Variants in SGO1 observed in about 807,000 individuals in gnomAD.
SGO1 encodes shugoshin 1, also known as serologically defined breast cancer antigen NY-BR-85.
SGO1 carries 39 observed loss-of-function variants against 50.5 expected under a neutral mutation model. The ratio of observed to expected loss-of-function variants is 0.77; its 90% CI spans 0.60 to 1.01. The LOEUF (loss-of-function observed/expected upper bound fraction) is 1.01, where lower values mean the gene tolerates loss of function less well. SGO1 is among the 50% of genes least tolerant of loss of function. The pLI is 0.00. For synonymous variants in SGO1, 191 were observed against 205.1 expected, an observed-to-expected ratio of 0.93 and a Z score of 0.59; for missense variants, 638 against 606.0, an observed-to-expected ratio of 1.05 and a Z score of -0.55.
intron 8 of SGO1, among the ~76,000 whole-genome samples, chr3:20,162,199 G>A (rs1700074625): frequency 6.6e-6 from 1 of 152,202 alleles, no homozygotes; most frequent in African/African-American, 2.4e-5. Context: ...TGTGTAGGAT[G>A]AAACTTCATG....
intron 8 of SGO1, among the ~76,000 whole-genome samples, chr3:20,162,687 A>C (rs2125220530): frequency 6.6e-6 from 1 of 152,250 alleles, no homozygotes; most frequent in East Asian, 1.9e-4. Context: ...TAGGGGTGTT[A>C]AAATAGTTAT....
At chr3:20,178,117 C>G (rs1004474429) in intron 4 of SGO1, among the ~76,000 whole-genome samples, 154 bp downstream of exon 4, 1 of 152,128 alleles carries the variant, frequency 6.6e-6, no homozygotes, top group African/African-American at 2.4e-5. Context: ...AATAGAATTT[C>G]AACACATCAA....
intron 1 of SGO1, 51 bp downstream of exon 1, chr3:20,185,897 C>T (rs988124231): frequency 1.3e-5 from 2 of 152,164 alleles, no homozygotes; most frequent in African/African-American, 2.4e-5. Context: ...TAGAATGATA[C>T]TGAAAACCGA....
intron 6 of SGO1, among the ~76,000 whole-genome samples, chr3:20,173,111 T>A (rs1700956504): frequency 6.6e-6 from 1 of 150,792 alleles, no homozygotes; most frequent in South Asian, 2.1e-4. Context: ...TTTGATTTAT[T>A]CTAACATCAT....
chr3:20,168,834 A>C, downstream of SGO1: 1 of 476,750 alleles, frequency 2.1e-6, no homozygotes, highest in Non-Finnish European at 2.7e-6. Context: ...GTTTCACCGT[A>C]TTAGCCAGGA....
Position 20,174,430 on chromosome 3 carries a change from G to C in SGO1, c.1101C>G (p.Ser367Arg), listed in dbSNP as rs369277528. ...CTCCTGAACCACTTGATTCACAGAG[G>C]CTCACTTCAGACTCGTTGTTTTCTT... ...NREENNESEVSLCESSGSGDD... is the reference protein window; with the variant it reads ...NREENNESEVRLCESSGSGDD... Residue 367 changes from serine (S) to arginine (R), a missense_variant, in exon 6 of 8, where the codon AGC becomes AGG. By Grantham distance (110) the Ser-to-Arg change is moderately radical. Coordinates refer to ENST00000412997, the MANE Select transcript of SGO1 (RefSeq NM_001199251.3). The C allele has an allele frequency of 1.9e-5, 31 of 1,614,016 alleles. No individual in the cohort carries two copies. Among genetic ancestry groups the C allele is most frequent in the Non-Finnish European group, 2.5e-5 (30 of 1,180,036 alleles).
rs1428615278 is a variant in SGO1 at position 20,170,037 on chromosome 3, T to C, written c.*667A>G. On this transcript the variant is annotated 3_prime_UTR_variant, in exon 8 of 8. Transcript: ENST00000412997. The stretch of plus-strand genomic sequence containing the variant: ...TAGTATCCCCTACTTAAGGGAAAAA[T>C]AGAGATGCCAGAAGCTTATAATTAA... The C allele has an allele frequency of 4.1e-6, 4 of 984,956 alleles. No homozygotes were observed. The highest frequency in any genetic ancestry group is 4.8e-6 in the Non-Finnish European group (4 of 829,658). The allele number at this position is 984,956 out of a possible 1,614,324, so 61.0% of individuals were successfully genotyped here.
Position 20,171,129 on chromosome 3 carries a change from T to C in SGO1, c.1386A>G (p.Pro462=). The C allele has an allele frequency of 6.2e-7, 1 of 1,613,448 alleles. No homozygotes were observed. The highest frequency in any genetic ancestry group is 8.5e-7 in the Non-Finnish European group (1 of 1,179,840). Residue 462 remains proline (P), a synonymous_variant, in exon 7 of 8, where the codon CCA becomes CCG. Coordinates refer to ENST00000412997, the MANE Select transcript of SGO1 (RefSeq NM_001199251.3). The part of the protein sequence containing the change: ...VVKIRRLSLS[P]KKNKASPAVA... ...CTGCTGGGCTTGCTTTATTCTTTTT[T>C]GGAGAAAGAGAAAGTCTTCTGATTT...
At chr3:20,163,592 T>C (rs1449921159) in intron 8 of SGO1, among the ~76,000 whole-genome samples, 2 of 152,210 alleles carry the variant, frequency 1.3e-5, no homozygotes, top group Admixed American at 1.3e-4. Context: ...ATGCTATAAA[T>C]AGAATATCTT....
At chr3:20,171,391 T>C (rs899684398) in intron 6 of SGO1, 159 bp from the exon 7 acceptor site, 2 of 519,080 alleles carry the variant, frequency 3.9e-6, no homozygotes, top group African/African-American at 4.0e-5. Context: ...CAGGCTGAAG[T>C]GCAGTGGTGT....
At chr3:20,161,438 C>T (rs1175514625) in intron 8 of SGO1, among the ~76,000 whole-genome samples, 1 of 152,078 alleles carries the variant, frequency 6.6e-6, no homozygotes, top group Non-Finnish European at 1.5e-5. Flanking sequence ...CATTAAGTGA[C>T]AGGTTACATA....
At chr3:20,182,934 C>T (rs552350774) in intron 3 of SGO1, among the ~76,000 whole-genome samples, 2 of 152,044 alleles carry the variant, frequency 1.3e-5, no homozygotes, top group East Asian at 1.9e-4. Flanking sequence ...AGGAGAATGG[C>T]GTGAACCCAG....
intron 3 of SGO1, among the ~76,000 whole-genome samples, chr3:20,182,512 G>C (rs778529684): frequency 6.6e-6 from 1 of 151,930 alleles, no homozygotes; most frequent in Non-Finnish European, 1.5e-5. Context: ...CCATTTCCTT[G>C]GCAGTGGCTA....
downstream of SGO1, among the ~76,000 whole-genome samples, chr3:20,168,427 C>CTT (rs112112060): frequency 7.4e-6 from 1 of 135,056 alleles, no homozygotes; most frequent in East Asian, 2.2e-4. Flanking sequence ...CAAATGTTTG[C>CTT]TTTTTTTTTT....
At chr3:20,171,253 A>T in intron 6 of SGO1, 21 bp from the exon 7 acceptor site, 1 of 1,523,604 alleles carries the variant, frequency 6.6e-7, no homozygotes. Context: ...ATTTTTACTG[A>T]ATATGATTTA....
rs995262052 is a variant in SGO1, at chr3:20,170,382, G to C, written c.*322C>G. The C allele has an allele frequency of 5.4e-6, 5 of 931,204 alleles. No individual in the cohort carries two copies. Among genetic ancestry groups the C allele is most frequent in the East Asian group, 2.3e-4 (2 of 8,650 alleles). The allele number at this position is 931,204 out of a possible 1,614,324, so 57.7% of individuals were successfully genotyped here. On this transcript the variant is annotated 3_prime_UTR_variant, in exon 8 of 8. Coordinates refer to ENST00000412997, the MANE Select transcript of SGO1 (RefSeq NM_001199251.3). ...CATTGCACTCCAGCCTGGGCAACAA[G>C]AATGAAATTCCGCCTCCAAAAAAAA...
chr3:20,186,884 C>T (rs1363127571), upstream of SGO1, among the ~76,000 whole-genome samples: 1 of 152,170 alleles, frequency 6.6e-6, no homozygotes, highest in African/African-American at 2.4e-5. Flanking sequence ...CTCTCATGCC[C>T]ATCTTTTTCC....
At chr3:20,163,987 CTCACTAGTGTG>C (rs571466059) in intron 8 of SGO1, among the ~76,000 whole-genome samples, 111 of 152,270 alleles carry the variant, frequency 7.3e-4, no homozygotes, top group African/African-American at 2.6e-3. Flanking sequence ...CACAAATAGT[CTCACTAGTGTG>C]TCAAACATTC....
downstream of SGO1, chr3:20,168,760 A>G: frequency 5.9e-6 from 1 of 170,786 alleles, no homozygotes; most frequent in Non-Finnish European, 1.2e-5. Context: ...CTCCTGCCTC[A>G]GCCTCCCAAG....
Sources: allele counts gnomAD v4.1 joint callset (sites outside exome capture counted in the v4.1 genomes callset), GRCh38; gene constraint gnomAD v4.1.1; transcripts MANE v1.5; gene names NCBI Gene and HGNC (gene_info 2026-07-23, HGNC 2026-07-21).